TRAP1: variants seen among roughly 807,000 people sequenced by gnomAD.
TRAP1 encodes the protein heat shock protein 75 kDa, mitochondrial.
A neutral mutation model predicts 89.1 loss-of-function variants in TRAP1; 102 were observed. The observed-to-expected ratio is 1.15, with a 90% CI of 0.98 to 1.35. The LOEUF (loss-of-function observed/expected upper bound fraction) is 1.35. Among genes scored for constraint, TRAP1 ranks in the 40% most tolerant of loss-of-function variants. TRAP1 has a pLI of 0.00. For synonymous variants in TRAP1, 508 were observed against 388.0 expected, an observed-to-expected ratio of 1.31 and a Z score of -3.64; for missense variants, 1,256 against 945.3, an observed-to-expected ratio of 1.33 and a Z score of -4.31.
chr16:3,666,124 G>A lies in TRAP1; in HGVS notation c.1236-6C>T, dbSNP rs768861568. The A allele has an allele frequency of 3.1e-6, 5 of 1,608,302 alleles. No homozygotes were observed. In the African/African-American group the frequency reaches 4.0e-5, roughly 13 times the overall value. ...GTAAAACGTCCCGGAGTTTCCTACAGAAAAGAAATGCATTTAATACATACA... is the reference window on the plus strand; with the variant it reads ...GTAAAACGTCCCGGAGTTTCCTACAAAAAAGAAATGCATTTAATACATACA... On this transcript the variant is annotated splice_region_variant and splice_polypyrimidine_tract_variant and intron_variant, in intron 11 of 17. Transcript: ENST00000246957.
chr16:3,686,235 G>A (rs1596727753), intron 3 of TRAP1, 99 bp from the exon 4 acceptor site: 2 of 1,369,494 alleles, frequency 1.5e-6, no homozygotes, highest in Non-Finnish European at 2.0e-6. Context: ...AAAGGTAGAG[G>A]AGAATAGTCA....
At chr16:3,688,335 C>A (rs533904313) in intron 3 of TRAP1, among the ~76,000 whole-genome samples, 1 of 152,126 alleles carries the variant, frequency 6.6e-6, no homozygotes, top group Non-Finnish European at 1.5e-5. Context: ...TAACTCCTCC[C>A]TGCTCCATAC....
chr16:3,706,202 C>T (rs986843486), intron 1 of TRAP1, among the ~76,000 whole-genome samples: 1 of 152,112 alleles, frequency 6.6e-6, no homozygotes, highest in Admixed American at 6.6e-5. Flanking sequence ...AATCCACCCA[C>T]GTTAGCCTCC....
At chr16:3,679,921 T>C (rs1444385916) in intron 4 of TRAP1, 131 bp from the exon 5 acceptor site, 7 of 781,062 alleles carry the variant, frequency 9.0e-6, no homozygotes, top group Admixed American at 2.1e-5. Flanking sequence ...TAGCACCAGA[T>C]GCTCATCAGA....
In TRAP1 at chr16:3,689,054, C is replaced by T. The variant is rs1357423493; in HGVS notation, c.330+1G>A. 15 of 1,610,322 alleles carry T rather than the reference C, an allele frequency of 9.3e-6. No homozygotes were observed. Among genetic ancestry groups the T allele is most frequent in the Non-Finnish European group, 1.3e-5 (15 of 1,178,216 alleles). ...TCGGGCATGGTTAGCAGGGAACGCA[C>T]CTCTTTTTCTGAGTACAGGGACCGG... On this transcript the variant is annotated splice_donor_variant, in intron 3 of 17. Coordinates refer to ENST00000246957, the MANE Select transcript of TRAP1 (RefSeq NM_016292.3). LOFTEE classifies it high-confidence loss of function.
chr16:3,676,172 C>A, intron 6 of TRAP1, 27 bp from the exon 7 acceptor site: 1 of 1,604,538 alleles, frequency 6.2e-7, no homozygotes, highest in South Asian at 1.1e-5. Flanking sequence ...AAGGAAAAGC[C>A]AGGTGGATGT....
chr16:3,677,587 GA>G lies in TRAP1; in HGVS notation c.614del (p.Phe205SerfsTer53). On this transcript the variant is annotated frameshift_variant, in exon 6 of 18. Transcript: ENST00000246957. LOFTEE classifies it high-confidence loss of function. ...TGTCAGCCACCATGAAAGCTGAGTA[GA>G]AACCCACTCCAAACTGGCCGATGAT... ...SKIIGQFGVG[F>X]YSAFMVADRV... 1.2e-6 allele frequency: 2 copies of G among 1,614,200 alleles called. No individual in the cohort carries two copies. Among genetic ancestry groups the G allele is most frequent in the Non-Finnish European group, 1.7e-6 (2 of 1,180,040 alleles).
In TRAP1 at chr16:3,677,404, T is replaced by A. The variant is rs549066346; in HGVS notation, c.704+94A>T. The A allele has an allele frequency of 1.2e-4, 176 of 1,508,782 alleles. No individual in the cohort carries two copies. The Admixed American group carries it at 1.4e-3, about 12-fold the overall frequency. The allele number at this position is 1,508,782 out of a possible 1,614,324, so 93.5% of individuals were successfully genotyped here. On this transcript the variant is annotated intron_variant, in intron 6 of 17. Coordinates refer to ENST00000246957, the MANE Select transcript of TRAP1 (RefSeq NM_016292.3). ...TCATATAAAAAGCCCAGAAAATGCCTGTGTACGTTTTCTGAGTCCATCCCT... is the reference window on the plus strand; with the variant it reads ...TCATATAAAAAGCCCAGAAAATGCCAGTGTACGTTTTCTGAGTCCATCCCT...
intron 2 of TRAP1, 74 bp from the exon 3 acceptor site, chr16:3,689,211 C>A (rs909357876): frequency 5.6e-5 from 67 of 1,202,492 alleles, no homozygotes; most frequent in Non-Finnish European, 7.8e-5. Context: ...ACGTCACATT[C>A]CAAAGAAAGC....
Position 3,689,137 on chromosome 16 carries a change from C to T in TRAP1, c.248G>A (p.Gly83Asp). ...SIISSTESVQ[G>D]STSKHEFQAE... ...CTGGAACTCATGTTTGGAAGTGGAA[C>T]CTAGTAATGAAACACAGACACAACC... Residue 83 changes from glycine (G) to aspartate (D), a missense_variant and splice_region_variant, in exon 3 of 18, where the codon GGT becomes GAT. Gly to Asp is a moderately conservative substitution (Grantham distance 94, BLOSUM62 -1). Coordinates refer to ENST00000246957, the MANE Select transcript of TRAP1 (RefSeq NM_016292.3). 1 of 1,613,088 alleles carries T rather than the reference C, an allele frequency of 6.2e-7. No homozygotes were observed. Among genetic ancestry groups the T allele is most frequent in the Non-Finnish European group, 8.5e-7 (1 of 1,179,468 alleles).
chr16:3,709,695 G>C (rs1327808925), intron 1 of TRAP1, among the ~76,000 whole-genome samples: 1 of 152,044 alleles, frequency 6.6e-6, no homozygotes, highest in Non-Finnish European at 1.5e-5. Context: ...CTTGTTGCCA[G>C]GCTGGAGTGC....
intron 4 of TRAP1, 61 bp from the exon 5 acceptor site, chr16:3,679,851 C>A (rs373894092): frequency 2.0e-6 from 3 of 1,537,270 alleles, no homozygotes; most frequent in South Asian, 1.1e-5. Flanking sequence ...GGTGAGTGCA[C>A]CAGCAGTCCC....
At chr16:3,662,845 G>T in intron 15 of TRAP1, 37 bp downstream of exon 15, 1 of 1,605,374 alleles carries the variant, frequency 6.2e-7, no homozygotes, top group Non-Finnish European at 8.5e-7. Context: ...TAGGGACACT[G>T]CGGCCAAGTG....
chr16:3,706,035 A>C (rs755758492), intron 1 of TRAP1, among the ~76,000 whole-genome samples: 7 of 145,868 alleles, frequency 4.8e-5, no homozygotes, highest in Non-Finnish European at 9.0e-5. Flanking sequence ...CTCACTCTGC[A>C]GTGGTGTAAT....
chr16:3,683,077 G>A (rs1301900559), intron 4 of TRAP1, among the ~76,000 whole-genome samples: 1 of 151,980 alleles, frequency 6.6e-6, no homozygotes, highest in East Asian at 2.0e-4. Context: ...CTGAAGGCAA[G>A]AGAATTGCTT....
In TRAP1 at chr16:3,664,262, C is replaced by T; in HGVS notation, c.1569+12G>A. 6.4e-7 allele frequency: 1 copy of T among 1,564,278 alleles called. No homozygotes were observed. Among genetic ancestry groups the T allele is most frequent in the Non-Finnish European group, 8.6e-7 (1 of 1,156,318 alleles). ...CAGCCCCCGGAGCCCGCCCCACCCACCGCTCACCCACCTCTGTGTCTTTCT... is the reference window on the plus strand; with the variant it reads ...CAGCCCCCGGAGCCCGCCCCACCCATCGCTCACCCACCTCTGTGTCTTTCT... On this transcript the variant is annotated intron_variant, in intron 13 of 17. Coordinates refer to ENST00000246957, the MANE Select transcript of TRAP1 (RefSeq NM_016292.3).
chr16:3,666,197 C>T, intron 11 of TRAP1, 79 bp from the exon 12 acceptor site: 1 of 1,499,466 alleles, frequency 6.7e-7, no homozygotes, highest in Non-Finnish European at 9.0e-7. Context: ...AAAAAATGTT[C>T]AGCCCCGCTA....
chr16:3,688,748 CA>C (rs2051171996), intron 3 of TRAP1, among the ~76,000 whole-genome samples: 1 of 152,076 alleles, frequency 6.6e-6, no homozygotes, highest in Non-Finnish European at 1.5e-5. Flanking sequence ...CCTCCCAAAG[CA>C]CTGAGTTCCC....
chr16:3,658,720 G>A, intron 17 of TRAP1, 73 bp downstream of exon 17: 1 of 1,416,238 alleles, frequency 7.1e-7, no homozygotes, highest in South Asian at 1.2e-5. Context: ...GGAAACCGCT[G>A]TTCCACCCTG....
Sources: allele counts gnomAD v4.1 joint callset (sites outside exome capture counted in the v4.1 genomes callset), GRCh38; gene constraint gnomAD v4.1.1; transcripts MANE v1.5; gene names NCBI Gene and HGNC (gene_info 2026-07-23, HGNC 2026-07-21).